Variants in CASZ1 observed in about 807,000 individuals in gnomAD.
CASZ1 encodes zinc finger protein castor homolog 1.
In CASZ1, 28 loss-of-function variants were observed where a neutral mutation model predicts 135.2. The ratio of observed to expected loss-of-function variants is 0.21; its 90% CI spans 0.15 to 0.28. The LOEUF (loss-of-function observed/expected upper bound fraction) is 0.28, where lower values mean the gene tolerates loss of function less well. Ranked by LOEUF, CASZ1 falls within the 10% of genes least tolerant of loss-of-function variation. CASZ1 has a pLI of 1.00. For missense variants in CASZ1, 2,161 were observed against 2,453.3 expected, an observed-to-expected ratio of 0.88 and a Z score of 2.52; for synonymous variants, 1,068 against 1,073.4, an observed-to-expected ratio of 0.99 and a Z score of 0.10.
In CASZ1 at chr1:10,740,365, G is replaced by A. The variant is rs185040881; in HGVS notation, c.-77+20336C>T. Among the ~76,000 whole-genome samples, 1,376 of 152,314 alleles carry A rather than the reference G, an allele frequency of 9.0e-3. 12 individuals are homozygous for A. Among genetic ancestry groups the A allele is most frequent in the Non-Finnish European group, 0.012 (849 of 68,026 alleles). ...CCCACTAATCCATGCGCCCCAGCCCGGGCTTCAGCTCCACATCTGTATAAT... is the reference window on the plus strand; with the variant it reads ...CCCACTAATCCATGCGCCCCAGCCCAGGCTTCAGCTCCACATCTGTATAAT... On this transcript the variant is annotated intron_variant, in intron 2 of 20. Transcript: ENST00000377022.
rs1570576251 is a variant in CASZ1, at chr1:10,768,354, A to G, written c.-233-7497T>C. On this transcript the variant is annotated intron_variant, in intron 1 of 20. Coordinates refer to ENST00000377022, the MANE Select transcript of CASZ1 (RefSeq NM_001079843.3). ...TGCCTCAGCCTCCCAAGTAGCTGGG[A>G]TTACAGGCACGCACCACCATGCCTG... is the stretch of plus-strand genomic sequence containing the variant. 2.0e-5 allele frequency among the ~76,000 whole-genome samples: 3 copies of G among 152,122 alleles called. No homozygotes were observed. The East Asian group carries it at 5.8e-4, about 29-fold the overall frequency.
At chr1:10,689,321 G>C (rs1020322529) in intron 4 of CASZ1, among the ~76,000 whole-genome samples, 1 of 152,230 alleles carries the variant, frequency 6.6e-6, no homozygotes, top group Admixed American at 6.5e-5. Flanking sequence ...ATGCCGCTGC[G>C]TGGCTTAGCC....
At position 10,691,480 on chromosome 1, in the gene CASZ1, C is replaced by T. The variant is rs556060417; in HGVS notation, c.16+2394G>A. ...CCGGGGCCGCGGGGATGTTAACCTA[C>T]GATCAGGGAGGCATGGTGGGTCCAT... On this transcript the variant is annotated intron_variant, in intron 4 of 20. Coordinates refer to ENST00000377022, the MANE Select transcript of CASZ1 (RefSeq NM_001079843.3). 1.1e-3 allele frequency among the ~76,000 whole-genome samples: 166 copies of T among 152,320 alleles called. 3 individuals are homozygous for T. The South Asian group carries it at 0.015, about 14-fold the overall frequency.
chr1:10,782,221 G>A (rs1327805253), intron 1 of CASZ1, among the ~76,000 whole-genome samples: 1 of 152,210 alleles, frequency 6.6e-6, no homozygotes, highest in African/African-American at 2.4e-5. Context: ...TGCAGCTTCT[G>A]GGAATGCTTA....
intron 7 of CASZ1, chr1:10,658,227 G>A: frequency 2.3e-6 from 1 of 441,352 alleles, no homozygotes; most frequent in African/African-American, 2.0e-5. Context: ...TGGGGGAGCT[G>A]CACTCACCTG....
chr1:10,654,080 G>A lies in CASZ1; in HGVS notation c.1977C>T (p.Cys659=), dbSNP rs1283424675. The A allele has an allele frequency of 6.8e-6, 11 of 1,614,106 alleles. No homozygotes were observed. The highest frequency in any genetic ancestry group is 4.5e-5 in the East Asian group (2 of 44,894). The change falls in exon 11 of 21, where the codon TGC becomes TGT. Residue 659 remains cysteine, a synonymous_variant. Transcript: ENST00000377022. ...AGTGGTTGGTAGCCTTGCTGTACAC[G>A]CAGCCCTCGTACTTGCACTCCTCGT... ...YKYEECKYEG[C]VYSKATNHFH...
In CASZ1 at chr1:10,693,438, C is replaced by A. The variant is rs182474001; in HGVS notation, c.16+436G>T. Reference sequence around the variant, plus strand: ...TGCTTTCAAAAACTAAACCACCCCCCACTAAAAAAATAAAAACACACACCC... The same window carrying A: ...TGCTTTCAAAAACTAAACCACCCCCAACTAAAAAAATAAAAACACACACCC... On this transcript the variant is annotated intron_variant, in intron 4 of 20. Transcript: ENST00000377022. Among the ~76,000 whole-genome samples, 363 of 140,122 alleles carry A rather than the reference C, an allele frequency of 2.6e-3. 7 individuals carry two copies. The highest frequency in any genetic ancestry group is 7.7e-4 in the Non-Finnish European group (51 of 66,156). The allele number at this position is 140,122 out of a possible 152,430, so 91.9% of individuals were successfully genotyped here.
At chr1:10,681,090 G>A (rs1193333293) in intron 4 of CASZ1, among the ~76,000 whole-genome samples, 3 of 152,116 alleles carry the variant, frequency 2.0e-5, no homozygotes, top group Non-Finnish European at 2.9e-5. Flanking sequence ...TAGTAGAGAC[G>A]GGGTTTCGCC....
rs1443138023 is a variant in CASZ1, at chr1:10,776,313, G to C, written c.-233-15456C>G. Among the ~76,000 whole-genome samples the C allele has an allele frequency of 6.6e-6, 1 of 152,172 alleles. No homozygotes were observed. The highest frequency in any genetic ancestry group is 2.4e-5 in the African/African-American group (1 of 41,434). On this transcript the variant is annotated intron_variant, in intron 1 of 20. Coordinates refer to ENST00000377022, the MANE Select transcript of CASZ1 (RefSeq NM_001079843.3). The surrounding 1 kb of genome is among the most constrained non-coding windows in gnomAD (Gnocchi z 4.1). ...CATCCCCTTAATCTCCATAGTAGTG[G>C]CTTCAAAATCATTCCTCCCAGGCTC... is the stretch of plus-strand genomic sequence containing the variant.
At chr1:10,658,615 G>A in intron 6 of CASZ1, 39 bp from the exon 7 acceptor site, 1 of 1,583,548 alleles carries the variant, frequency 6.3e-7, no homozygotes, top group Non-Finnish European at 8.7e-7. Flanking sequence ...GTGAGCAGAT[G>A]GGGCAGCCTC....
At chr1:10,641,283 G>T (rs1448583914) in intron 20 of CASZ1, among the ~76,000 whole-genome samples, 1 of 152,252 alleles carries the variant, frequency 6.6e-6, no homozygotes, top group African/African-American at 2.4e-5. Context: ...ACAGGGTCTG[G>T]TTATGCCAGA....
rs893176957 is a variant in CASZ1 at position 10,676,725 on chromosome 1, G to A, written c.17-11154C>T. Among the ~76,000 whole-genome samples, 7 of 152,308 alleles carry A rather than the reference G, an allele frequency of 4.6e-5. No homozygotes were observed. Among genetic ancestry groups the A allele is most frequent in the African/African-American group, 7.2e-5 (3 of 41,578 alleles). On this transcript the variant is annotated intron_variant, in intron 4 of 20. Coordinates refer to ENST00000377022, the MANE Select transcript of CASZ1 (RefSeq NM_001079843.3). The surrounding 1 kb of genome is among the most constrained non-coding windows in gnomAD (Gnocchi z 4.5). ...GCGAGCAGCCCCACAGTTTCCTGAC[G>A]TGGACGCCTTTGCTGGTTCCTCCAC...
chr1:10,686,229 A>G (rs1238556963), intron 4 of CASZ1, among the ~76,000 whole-genome samples: 2 of 152,346 alleles, frequency 1.3e-5, no homozygotes, highest in East Asian at 3.9e-4. Flanking sequence ...CACACCAGGA[A>G]TATTTACTCA....
At chr1:10,789,027 G>T (rs1056699422) in intron 1 of CASZ1, among the ~76,000 whole-genome samples, 1 of 152,170 alleles carries the variant, frequency 6.6e-6, no homozygotes, top group African/African-American at 2.4e-5. Context: ...AAGGGGGAGC[G>T]TGGGGTGGGA....
At chr1:10,715,932 TCCCACAGCACCCAATCCACAC>T (rs1639379101) in intron 2 of CASZ1, among the ~76,000 whole-genome samples, 1 of 21,096 alleles carries the variant, frequency 4.7e-5, no homozygotes, top group African/African-American at 2.4e-4. Context: ...CCAATCCGCT[TCCCACAGCACCCAATCCACAC>T]CCCACAGCAC....
intron 2 of CASZ1, among the ~76,000 whole-genome samples, chr1:10,714,274 C>T (rs1330946922): frequency 6.6e-6 from 1 of 152,038 alleles, no homozygotes; most frequent in Non-Finnish European, 1.5e-5. Context: ...TGCCACTGCA[C>T]TCCAGCCTGG....
chr1:10,790,669 C>T (rs138122609), intron 1 of CASZ1, among the ~76,000 whole-genome samples: 31 of 152,310 alleles, frequency 2.0e-4, no homozygotes, highest in African/African-American at 6.7e-4. Flanking sequence ...TTTTGAACTT[C>T]GTTCAGATGG....
chr1:10,751,578 G>A lies in CASZ1; in HGVS notation c.-77+9123C>T, dbSNP rs180762006. 2.5e-3 allele frequency among the ~76,000 whole-genome samples: 382 copies of A among 152,328 alleles called. 1 individual carries two copies. Among genetic ancestry groups the A allele is most frequent in the African/African-American group, 9.0e-3 (375 of 41,572 alleles). On this transcript the variant is annotated intron_variant, in intron 2 of 20. Transcript: ENST00000377022. The stretch of plus-strand genomic sequence containing the variant: ...TTGTTAATGAAATATAAATACCCAC[G>A]CTAATGATGTTGGTCAGAGGCAACA...
At chr1:10,732,209 T>C (rs1639713323) in intron 2 of CASZ1, among the ~76,000 whole-genome samples, 1 of 150,776 alleles carries the variant, frequency 6.6e-6, no homozygotes, top group African/African-American at 2.4e-5. Context: ...CCTGTAGTCC[T>C]AGCTACTTGG....
Sources: gnomAD v4.1 joint callset for allele counts (sites outside exome capture counted in the v4.1 genomes callset) on GRCh38, gnomAD v4.1.1 for gene constraint, Gnocchi (gnomAD v3.1) non-coding constraint, MANE v1.5 for transcripts, NCBI Gene and HGNC (gene_info 2026-07-23, HGNC 2026-07-21) for gene names.